NCOR2: variants seen among roughly 807,000 people sequenced by gnomAD.
NCOR2 encodes the protein CTG repeat protein 26.
A neutral mutation model predicts 262.9 loss-of-function variants in NCOR2; 81 were observed. The observed-to-expected ratio is 0.31, with a 90% CI of 0.26 to 0.37. The LOEUF (loss-of-function observed/expected upper bound fraction) is 0.37. NCOR2 is among the 10% of genes least tolerant of loss of function. The pLI, the probability that NCOR2 is intolerant of heterozygous loss-of-function variation, is 1.00. For synonymous variants in NCOR2, 1,659 were observed against 1,559.3 expected (o/e 1.06, Z -1.51); for missense variants, 3,385 against 3,621.4 (o/e 0.93, Z 1.68).
At chr12:124,325,388 C>CCCCCCCCCCCCCGGGGGGG in exon 47 of NCOR2, 2 of 693,388 alleles carry the variant, frequency 2.9e-6, no homozygotes, top group Non-Finnish European at 4.0e-6. Flanking sequence ...CCCCCCCCCC[C>CCCCCCCCCCCCCGGGGGGG]GCCCTGTTCT....
At chr12:124,408,772 A>T (rs1210555375) in intron 13 of NCOR2, among the ~76,000 whole-genome samples, 5 of 152,214 alleles carry the variant, frequency 3.3e-5, no homozygotes, top group Non-Finnish European at 7.3e-5. Context: ...AATTTTTTTT[A>T]AAGAAAGAAA....
chr12:124,429,753 G>A, intron 9 of NCOR2, 47 bp from the exon 12 acceptor site: 2 of 1,519,444 alleles, frequency 1.3e-6, no homozygotes, highest in East Asian at 2.4e-5. Flanking sequence ...TGGTGGTCGG[G>A]GACACTAGCA....
chr12:124,467,100 ATCC>A (rs1278435746), intron 4 of NCOR2, among the ~76,000 whole-genome samples: 2 of 114,416 alleles, frequency 1.7e-5, no homozygotes, highest in African/African-American at 3.6e-5. Context: ...CACCCTCATC[ATCC>A]TCGTCATCCT....
intron 1 of NCOR2, among the ~76,000 whole-genome samples, chr12:124,489,007 G>A (rs2047931094): frequency 6.6e-6 from 1 of 151,920 alleles, no homozygotes; most frequent in African/African-American, 2.4e-5. Context: ...CCTAAACCCT[G>A]GGAGACACTC....
At chr12:124,339,765 C>A (rs1393059813) in intron 37 of NCOR2, among the ~76,000 whole-genome samples, 1 of 140,002 alleles carries the variant, frequency 7.1e-6, no homozygotes, top group South Asian at 2.4e-4. Flanking sequence ...ACCCGACCAC[C>A]CCCCCATCCA....
chr12:124,393,370 C>T (rs889741365), intron 16 of NCOR2, among the ~76,000 whole-genome samples: 12 of 152,230 alleles, frequency 7.9e-5, no homozygotes, highest in African/African-American at 2.7e-4. Flanking sequence ...GCCACAGCCG[C>T]ATGCACACAA....
intron 17 of NCOR2, chr12:124,383,436 A>G: frequency 1.7e-6 from 1 of 595,590 alleles, no homozygotes; most frequent in Admixed American, 3.7e-5. Flanking sequence ...ACTGGTGGTC[A>G]CCACACTCAA....
chr12:124,476,659 T>G (rs1050317455), intron 3 of NCOR2, among the ~76,000 whole-genome samples: 1 of 152,232 alleles, frequency 6.6e-6, no homozygotes, highest in African/African-American at 2.4e-5. Context: ...GAAAACTTAC[T>G]TCCTTTAAAC....
rs564132394 is a variant in NCOR2, at chr12:124,348,107, G to C, written c.3985+67C>G. ...GCCTCGGTTTCCCCATCTGTAAAAC[G>C]GGGTCAGCCATCCCCCCACCGCCCA... is the stretch of plus-strand genomic sequence containing the variant. On this transcript the variant is annotated intron_variant, in intron 29 of 46. Coordinates refer to ENST00000405201, the Ensembl canonical transcript of NCOR2. The C allele has an allele frequency of 4.5e-4, 711 of 1,596,136 alleles. 5 individuals carry two copies. In the Middle Eastern group the frequency reaches 0.012, roughly 26 times the overall value.
rs906244738 is a variant in NCOR2 at position 124,389,450 on chromosome 12, G to A, written c.1877-3563C>T. On this transcript the variant is annotated intron_variant, in intron 16 of 46. Coordinates refer to ENST00000405201, the Ensembl canonical transcript of NCOR2. The surrounding 1 kb of genome is among the most constrained non-coding windows in gnomAD (Gnocchi z 4.4). ...TCCCCCTCCCTCTCTCCCCATCCGC[G>A]GCGGTGGCGGCGTCAGCAGTGGTAA... Among the ~76,000 whole-genome samples, 3 of 151,934 alleles carry A rather than the reference G, an allele frequency of 2.0e-5. No individual in the cohort carries two copies. Among genetic ancestry groups the A allele is most frequent in the African/African-American group, 2.4e-5 (1 of 41,324 alleles).
intron 37 of NCOR2, among the ~76,000 whole-genome samples, chr12:124,339,280 A>G (rs1415458806): frequency 2.8e-5 from 3 of 107,986 alleles, no homozygotes; most frequent in African/African-American, 1.1e-4. Context: ...CCACCTACCT[A>G]CCTAACCCAA....
chr12:124,532,745 G>A (rs1192471282), intron 1 of NCOR2, among the ~76,000 whole-genome samples: 1 of 152,202 alleles, frequency 6.6e-6, no homozygotes, highest in African/African-American at 2.4e-5. Context: ...GGCAGAGGAG[G>A]AGGAGGCTGG....
chr12:124,426,768 C>A (rs758167365), exon 11 of NCOR2: 1 of 1,589,634 alleles, frequency 6.3e-7, no homozygotes, highest in East Asian at 2.3e-5. Context: ...TGGGCGGGAT[C>A]ACGGCCAGCT....
intron 17 of NCOR2, among the ~76,000 whole-genome samples, chr12:124,379,341 T>C (rs1349546950): frequency 6.6e-6 from 1 of 152,142 alleles, no homozygotes; most frequent in Non-Finnish European, 1.5e-5. Flanking sequence ...AAACCACTCG[T>C]CTTGGTAGCT....
At chr12:124,373,345 CCCGGGCACAG>C (rs2039673160) in intron 19 of NCOR2, among the ~76,000 whole-genome samples, 2 of 30,042 alleles carry the variant, frequency 6.7e-5, no homozygotes, top group African/African-American at 2.0e-4. Flanking sequence ...GTGCAGGGGC[CCCGGGCACAG>C]TGGACAATCA....
chr12:124,436,436 T>C (rs997896141), intron 8 of NCOR2, among the ~76,000 whole-genome samples: 2 of 152,178 alleles, frequency 1.3e-5, no homozygotes, highest in Non-Finnish European at 2.9e-5. Flanking sequence ...CCGCGTCTCT[T>C]ATCCAAGAAT....
chr12:124,347,587 G>A (rs1031482863), intron 30 of NCOR2: 4 of 531,920 alleles, frequency 7.5e-6, no homozygotes, highest in African/African-American at 1.9e-5. Context: ...CAGTTGCTAT[G>A]TGACACCTAA....
At chr12:124,520,865 A>C (rs754871424) in intron 1 of NCOR2, among the ~76,000 whole-genome samples, 6 of 152,160 alleles carry the variant, frequency 3.9e-5, no homozygotes, top group Non-Finnish European at 8.8e-5. Flanking sequence ...TGCTGAGCAG[A>C]GCTTTGACGG....
rs756445055 is a variant in NCOR2 at position 124,399,136 on chromosome 12, C to T, written c.1814-955G>A. Among the ~76,000 whole-genome samples, 299 of 152,136 alleles carry T rather than the reference C, an allele frequency of 2.0e-3. 1 individual carries two copies. The highest frequency in any genetic ancestry group is 3.9e-3 in the Admixed American group (59 of 15,284). On this transcript the variant is annotated intron_variant, in intron 15 of 46. Coordinates refer to ENST00000405201, the Ensembl canonical transcript of NCOR2. ...GGTTCCAGCAGAAGAGGGGAGACGG[C>T]CCCCACCCCCATGGGCAGCCCCATC...
Sources: gnomAD v4.1 joint callset for allele counts (sites outside exome capture counted in the v4.1 genomes callset) on GRCh38, gnomAD v4.1.1 for gene constraint, Gnocchi (gnomAD v3.1) non-coding constraint, MANE v1.5 for transcripts, NCBI Gene and HGNC (gene_info 2026-07-23, HGNC 2026-07-21) for gene names.